PEAK1: variants seen among roughly 807,000 people sequenced by gnomAD.
The protein encoded by PEAK1 is inactive tyrosine-protein kinase PEAK1.
Under a neutral mutation model 124.7 loss-of-function variants are expected in PEAK1, and 54 were observed. The observed-to-expected ratio is 0.43, with a 90% CI of 0.35 to 0.54. The LOEUF (loss-of-function observed/expected upper bound fraction) is 0.54, where lower values mean the gene tolerates loss of function less well. Ranked by LOEUF, PEAK1 falls within the 20% of genes least tolerant of loss-of-function variation. The pLI is 0.01. For missense variants in PEAK1, 2,046 were observed against 2,134.5 expected (o/e 0.96, Z 0.82); for synonymous variants, 719 against 760.0 (o/e 0.95, Z 0.89).
At chr15:77,182,504 T>C (rs1350721145) in intron 6 of PEAK1, among the ~76,000 whole-genome samples, 2 of 151,722 alleles carry the variant, frequency 1.3e-5, no homozygotes, top group Non-Finnish European at 2.9e-5. Flanking sequence ...TCTCAGCATG[T>C]TGGGAGGCAG....
intron 6 of PEAK1, among the ~76,000 whole-genome samples, chr15:77,235,866 A>G (rs947662980): frequency 5.3e-5 from 8 of 152,212 alleles, no homozygotes; most frequent in Admixed American, 2.0e-4. Flanking sequence ...AGCATGGCTA[A>G]AAAGGGCCAA....
intron 6 of PEAK1, among the ~76,000 whole-genome samples, chr15:77,214,443 C>A (rs1299348700): frequency 6.7e-6 from 1 of 149,902 alleles, no homozygotes; most frequent in Non-Finnish European, 1.5e-5. Flanking sequence ...GGTGAAACCT[C>A]GTCTCTACTA....
intron 2 of PEAK1, among the ~76,000 whole-genome samples, chr15:77,353,740 G>A (rs1196805170): frequency 1.3e-5 from 2 of 152,136 alleles, no homozygotes; most frequent in African/African-American, 2.4e-5. Context: ...GAATTTAGGG[G>A]AAATACAAAG....
At chr15:77,330,319 G>T (rs531406531) in intron 2 of PEAK1, among the ~76,000 whole-genome samples, 2 of 152,072 alleles carry the variant, frequency 1.3e-5, no homozygotes, top group Non-Finnish European at 2.9e-5. Context: ...TCTTGACAGG[G>T]TTATTACAAT....
chr15:77,199,490 G>T (rs373511591), intron 6 of PEAK1, among the ~76,000 whole-genome samples: 51 of 152,298 alleles, frequency 3.3e-4, no homozygotes, highest in African/African-American at 1.2e-3. Flanking sequence ...AGCCTGGAAG[G>T]ATTAAACTGT....
chr15:77,370,068 TTCTCCCCACTTCA>T (rs907460841), intron 1 of PEAK1, among the ~76,000 whole-genome samples: 115 of 152,250 alleles, frequency 7.6e-4, no homozygotes, highest in African/African-American at 2.3e-3. Context: ...TCATTTCCTA[TTCTCCCCACTTCA>T]TCTCCCCACT....
chr15:77,302,004 T>G (rs2063812425), intron 2 of PEAK1, among the ~76,000 whole-genome samples: 1 of 152,230 alleles, frequency 6.6e-6, no homozygotes, highest in Admixed American at 6.5e-5. Flanking sequence ...AACTTTCAGT[T>G]GGCTCCTGTG....
intron 2 of PEAK1, among the ~76,000 whole-genome samples, chr15:77,307,197 G>T (rs2064152428): frequency 6.6e-6 from 1 of 152,046 alleles, no homozygotes; most frequent in Non-Finnish European, 1.5e-5. Flanking sequence ...CAAGTCCCAG[G>T]TCTGATGCTT....
intron 6 of PEAK1, among the ~76,000 whole-genome samples, chr15:77,231,266 A>G (rs1484032842): frequency 6.6e-6 from 1 of 152,216 alleles, no homozygotes; most frequent in African/African-American, 2.4e-5. Flanking sequence ...TAAAAAAAGT[A>G]TAATAGGCTC....
chr15:77,217,794 GT>G (rs1468834035), intron 6 of PEAK1, among the ~76,000 whole-genome samples: 1 of 152,000 alleles, frequency 6.6e-6, no homozygotes, highest in Non-Finnish European at 1.5e-5. Context: ...AATAAATAAA[GT>G]TTATATATTT....
intron 1 of PEAK1, among the ~76,000 whole-genome samples, chr15:77,375,421 A>C (rs966009594): frequency 3.9e-5 from 6 of 152,196 alleles, no homozygotes; most frequent in African/African-American, 7.2e-5. Context: ...CCAAGGTAGC[A>C]CTGAAGTTCC....
intron 1 of PEAK1, among the ~76,000 whole-genome samples, chr15:77,408,431 C>T (rs370300735): frequency 2.0e-5 from 3 of 151,722 alleles, no homozygotes; most frequent in Non-Finnish European, 1.5e-5. Flanking sequence ...TGGGGTACAG[C>T]GTACACTGCT....
In PEAK1 at chr15:77,133,606, ATCT is replaced by A. The variant is rs1363486446; in HGVS notation, c.3473_3475del (p.Lys1158del). On this transcript the variant is annotated inframe_deletion, in exon 9 of 10. Transcript: ENST00000682557. The surrounding 1 kb of genome is among the most constrained non-coding windows in gnomAD (Gnocchi z 4.2). The stretch of plus-strand genomic sequence containing the variant: ...TGGCTCTGTATTGGCTCTTATGATC[ATCT>A]TCTTTGGCAGTGGGGGTGGTGTAGG... The A allele has an allele frequency of 1.2e-6, 2 of 1,614,008 alleles. No homozygotes were observed. Among genetic ancestry groups the A allele is most frequent in the East Asian group, 2.2e-5 (1 of 44,898 alleles).
Position 77,181,946 on chromosome 15 carries a change from CAGACA to C in PEAK1, c.-25_-21del. ...AGACATTTTTAAAAATAGAACTTCA[CAGACA>C]ATGCTTTTCTTTCAGTGCATGACAA... On this transcript the variant is annotated 5_prime_UTR_variant, in exon 7 of 10. The change creates a new upstream start codon in the 5' untranslated region. Transcript: ENST00000682557. The C allele has an allele frequency of 6.5e-7, 1 of 1,529,364 alleles. No individual in the cohort carries two copies. The highest frequency in any genetic ancestry group is 8.8e-7 in the Non-Finnish European group (1 of 1,140,938). The allele number at this position is 1,529,364 out of a possible 1,614,324, so 94.7% of individuals were successfully genotyped here.
chr15:77,318,443 T>G (rs2065006901), intron 2 of PEAK1, among the ~76,000 whole-genome samples: 2 of 152,216 alleles, frequency 1.3e-5, no homozygotes, highest in South Asian at 4.1e-4. Context: ...ATATTAGGGT[T>G]TCATAAATGT....
chr15:77,215,792 G>A (rs1428942481), intron 6 of PEAK1, among the ~76,000 whole-genome samples: 1 of 152,084 alleles, frequency 6.6e-6, no homozygotes, highest in African/African-American at 2.4e-5. Context: ...CCTAGCCAAT[G>A]ATCTTTTAAA....
intron 1 of PEAK1, among the ~76,000 whole-genome samples, chr15:77,366,532 A>C (rs533923563): frequency 6.6e-6 from 1 of 152,072 alleles, no homozygotes; most frequent in Non-Finnish European, 1.5e-5. Flanking sequence ...TGTTCATAGG[A>C]ATTTAAATTG....
chr15:77,296,517 G>C (rs540375065), intron 2 of PEAK1, among the ~76,000 whole-genome samples: 8 of 151,778 alleles, frequency 5.3e-5, no homozygotes, highest in Middle Eastern at 3.4e-3. Flanking sequence ...GGGAGGCTGA[G>C]GCAGGAGAAT....
At chr15:77,209,708 A>T (rs1006789789) in intron 6 of PEAK1, among the ~76,000 whole-genome samples, 3 of 152,082 alleles carry the variant, frequency 2.0e-5, no homozygotes, top group Admixed American at 1.3e-4. Flanking sequence ...TATTTTTAAA[A>T]TTTTTTCTTC....
Sources: allele counts gnomAD v4.1 joint callset (sites outside exome capture counted in the v4.1 genomes callset), GRCh38; gene constraint gnomAD v4.1.1; non-coding constraint Gnocchi (gnomAD v3.1); transcripts MANE v1.5; gene names NCBI Gene and HGNC (gene_info 2026-07-23, HGNC 2026-07-21).